KIRREL1: variants seen among roughly 807,000 people sequenced by gnomAD.
KIRREL1 encodes the protein kin of IRRE-like protein 1.
Under a neutral mutation model 83.3 loss-of-function variants are expected in KIRREL1, and 25 were observed. The observed-to-expected ratio is 0.30, with a 90% confidence interval of 0.22 to 0.42. The LOEUF (loss-of-function observed/expected upper bound fraction) is 0.42, where lower values mean the gene tolerates loss of function less well. KIRREL1 is among the 10% of genes least tolerant of loss of function. The pLI, the probability that KIRREL1 is intolerant of heterozygous loss-of-function variation, is 1.00. For synonymous variants in KIRREL1, 388 were observed against 410.4 expected, an observed-to-expected ratio of 0.95 and a Z score of 0.66; for missense variants, 812 against 1,032.3, an observed-to-expected ratio of 0.79 and a Z score of 2.92.
chr1:158,086,477 G>A (rs1662017679), intron 4 of KIRREL1, 119 bp from the exon 5 acceptor site: 3 of 920,088 alleles, frequency 3.3e-6, no homozygotes, highest in Admixed American at 5.0e-5. Flanking sequence ...GAGTGAAGGG[G>A]ATTGAGCTTT....
chr1:158,006,232 T>C (rs1315653018), intron 1 of KIRREL1, among the ~76,000 whole-genome samples: 1 of 152,222 alleles, frequency 6.6e-6, no homozygotes, highest in Admixed American at 6.5e-5. Flanking sequence ...CATCAATGTT[T>C]GTCCTTTTTC....
intron 1 of KIRREL1, among the ~76,000 whole-genome samples, chr1:158,038,615 T>A (rs1472228968): frequency 2.0e-5 from 3 of 151,746 alleles, no homozygotes; most frequent in Non-Finnish European, 4.4e-5. Context: ...CGTGATCTAC[T>A]GTGTCTAGCC....
At chr1:158,026,979 CA>C (rs1223516962) in intron 1 of KIRREL1, among the ~76,000 whole-genome samples, 1 of 152,196 alleles carries the variant, frequency 6.6e-6, no homozygotes, top group Non-Finnish European at 1.5e-5. Context: ...AATCCTTTAG[CA>C]GACTTGGGCT....
chr1:158,000,667 C>G (rs1203923389), intron 1 of KIRREL1, among the ~76,000 whole-genome samples: 1 of 152,196 alleles, frequency 6.6e-6, no homozygotes, highest in Non-Finnish European at 1.5e-5. Flanking sequence ...TCAGCTGACT[C>G]CAAGCTCCCA....
chr1:158,037,005 C>A (rs547846232), intron 1 of KIRREL1, among the ~76,000 whole-genome samples: 6 of 152,302 alleles, frequency 3.9e-5, no homozygotes, highest in African/African-American at 1.4e-4. Flanking sequence ...ACAGTCTCAG[C>A]TGGGCCCTTC....
intron 10 of KIRREL1, 94 bp from the exon 11 acceptor site, chr1:158,091,264 G>A (rs1231287220): frequency 1.7e-6 from 2 of 1,158,616 alleles, no homozygotes; most frequent in Non-Finnish European, 2.5e-6. Flanking sequence ...GCACATAGGG[G>A]TGAGGGTGCC....
intron 1 of KIRREL1, among the ~76,000 whole-genome samples, chr1:158,037,789 T>C (rs896194695): frequency 5.9e-5 from 9 of 152,160 alleles, no homozygotes; most frequent in South Asian, 4.1e-4. Flanking sequence ...CAGGTAGCAG[T>C]TGGCTTGTTG....
At chr1:158,049,466 C>T (rs1379245831) in intron 1 of KIRREL1, among the ~76,000 whole-genome samples, 1 of 152,158 alleles carries the variant, frequency 6.6e-6, no homozygotes, top group African/African-American at 2.4e-5. Context: ...GTGCACACGC[C>T]TCTGAGAGTC....
intron 1 of KIRREL1, among the ~76,000 whole-genome samples, chr1:158,020,504 A>G (rs1260256753): frequency 2.0e-5 from 3 of 147,472 alleles, no homozygotes; most frequent in East Asian, 2.0e-4. Flanking sequence ...CTATAATGCT[A>G]CTTGTGGATA....
chr1:158,028,893 C>A (rs1660242936), intron 1 of KIRREL1, among the ~76,000 whole-genome samples: 1 of 152,176 alleles, frequency 6.6e-6, no homozygotes, highest in Non-Finnish European at 1.5e-5. Flanking sequence ...TATTAGTGTA[C>A]ATTCCACTGC....
At chr1:158,064,933 C>CT (rs869035914) in intron 1 of KIRREL1, among the ~76,000 whole-genome samples, 17,301 of 82,664 alleles carry the variant, frequency 0.21, 1,833 homozygotes, top group African/African-American at 0.34. Flanking sequence ...ACCTGCTGGT[C>CT]TTTTTTTTTT....
At position 158,019,678 on chromosome 1, in the gene KIRREL1, G is replaced by A. The variant is rs370874368; in HGVS notation, c.52+25950G>A. Among the ~76,000 whole-genome samples, 22 of 152,212 alleles carry A rather than the reference G, an allele frequency of 1.4e-4. 1 individual carries two copies. Among genetic ancestry groups the A allele is most frequent in the African/African-American group, 5.3e-4 (22 of 41,532 alleles). On this transcript the variant is annotated intron_variant, in intron 1 of 14. Coordinates refer to ENST00000359209, the MANE Select transcript of KIRREL1 (RefSeq NM_018240.7). ...TCTCTCAGCTCTTCCAGGGAGCACG[G>A]GGCAGGAAATTCCTCAAATTCCAGG... is the stretch of plus-strand genomic sequence containing the variant.
intron 1 of KIRREL1, among the ~76,000 whole-genome samples, chr1:158,027,767 T>C (rs1445240497): frequency 1.3e-5 from 2 of 152,190 alleles, no homozygotes; most frequent in African/African-American, 4.8e-5. Context: ...GCATAGTAGG[T>C]CCTCAATATG....
intron 1 of KIRREL1, among the ~76,000 whole-genome samples, chr1:158,025,115 T>C (rs12037357): frequency 0.053 from 8,043 of 152,288 alleles, 331 homozygotes; most frequent in South Asian, 0.2. Flanking sequence ...TCTCACATTC[T>C]GGACTAATGC....
At chr1:158,078,786 G>A (rs1661759847) in intron 3 of KIRREL1, among the ~76,000 whole-genome samples, 1 of 152,058 alleles carries the variant, frequency 6.6e-6, no homozygotes, top group African/African-American at 2.4e-5. Flanking sequence ...GCTGGCTCTT[G>A]GAAGCCCTGC....
At chr1:158,064,578 T>G (rs1346329140) in intron 1 of KIRREL1, among the ~76,000 whole-genome samples, 1 of 152,250 alleles carries the variant, frequency 6.6e-6, no homozygotes, top group Non-Finnish European at 1.5e-5. Context: ...CAGCCTTATC[T>G]TGAACACCTC....
chr1:158,011,307 A>G (rs1659681564), intron 1 of KIRREL1, among the ~76,000 whole-genome samples: 2 of 152,240 alleles, frequency 1.3e-5, no homozygotes, highest in African/African-American at 4.8e-5. Flanking sequence ...CTAACAAACG[A>G]CAAACCAAAG....
intron 1 of KIRREL1, among the ~76,000 whole-genome samples, chr1:158,017,352 T>A (rs984170609): frequency 6.6e-6 from 1 of 152,044 alleles, no homozygotes; most frequent in Non-Finnish European, 1.5e-5. Flanking sequence ...ATCCTTCTTT[T>A]CCTTTTACAT....
At chr1:158,039,847 G>A (rs1211701850) in intron 1 of KIRREL1, among the ~76,000 whole-genome samples, 1 of 152,230 alleles carries the variant, frequency 6.6e-6, no homozygotes, top group Non-Finnish European at 1.5e-5. Flanking sequence ...GAGAGAGCTT[G>A]TCTGTCTTGT....
Sources: gnomAD v4.1 joint callset for allele counts (sites outside exome capture counted in the v4.1 genomes callset) on GRCh38, gnomAD v4.1.1 for gene constraint, MANE v1.5 for transcripts, NCBI Gene and HGNC (gene_info 2026-07-23, HGNC 2026-07-21) for gene names.